Variants in ZNF70 observed in about 807,000 individuals in gnomAD.
ZNF70 encodes zinc finger protein N27C7-1.
In ZNF70, 18 loss-of-function variants were observed where a neutral mutation model predicts 37.7. The ratio of observed to expected loss-of-function variants is 0.48; its 90% CI spans 0.33 to 0.71. ZNF70 has a LOEUF of 0.71. Ranked by LOEUF, ZNF70 falls within the 30% of genes least tolerant of loss-of-function variation. ZNF70 has a pLI of 0.02. For missense variants in ZNF70, 506 were observed against 568.6 expected (o/e 0.89, Z 1.12); for synonymous variants, 219 against 220.1 (o/e 0.99, Z 0.05).
rs1172477818 is a variant in ZNF70, at chr22:23,740,436, T to C, written c.*3364A>G. 2 of 151,808 alleles carry C rather than the reference T, an allele frequency of 1.3e-5. No homozygotes were observed. Among genetic ancestry groups the C allele is most frequent in the Non-Finnish European group, 2.9e-5 (2 of 67,962 alleles). 9.4% of individuals were successfully genotyped at this position (151,808 alleles called of 1,614,324 possible). On this transcript the variant is annotated 3_prime_UTR_variant, in exon 2 of 2. Coordinates refer to ENST00000341976, the MANE Select transcript of ZNF70 (RefSeq NM_021916.4). ...TTTATAACTTTACACTGTTTGAGAA[T>C]CTAAATAGAATGAGAGAGTTTAAAA...
rs1226794096 is a variant in ZNF70 at position 23,744,208 on chromosome 22, A to G, written c.933T>C (p.Asp311=). ...TCTGGCTGAAGGCCTTCCCGCACTC[A>G]TCGCATTTGTATGGTTTCTTCCCAG... ...IHTGKKPYKC[D]ECGKAFSQSS... Residue 311 remains aspartate (D), a synonymous_variant, in exon 2 of 2, where the codon GAT becomes GAC. Coordinates refer to ENST00000341976, the MANE Select transcript of ZNF70 (RefSeq NM_021916.4). The G allele has an allele frequency of 5.0e-6, 8 of 1,610,942 alleles. No individual in the cohort carries two copies. Among genetic ancestry groups the G allele is most frequent in the South Asian group, 1.1e-5 (1 of 90,918 alleles).
intron 1 of ZNF70, among the ~76,000 whole-genome samples, chr22:23,747,571 C>A (rs1005423174): frequency 2.6e-5 from 4 of 152,124 alleles, no homozygotes; most frequent in Admixed American, 6.6e-5. Flanking sequence ...GTGGCTCACA[C>A]CTGTAATCCC....
chr22:23,741,446 A>C lies in ZNF70; in HGVS notation c.*2354T>G, dbSNP rs1393905747. The stretch of plus-strand genomic sequence containing the variant: ...CTGGTGGACAATGGAGTGCTGGTTA[A>C]ATGTTAAATGTTTCACATACGTAGC... On this transcript the variant is annotated 3_prime_UTR_variant, in exon 2 of 2. Coordinates refer to ENST00000341976, the MANE Select transcript of ZNF70 (RefSeq NM_021916.4). The C allele has an allele frequency of 6.6e-6, 1 of 152,208 alleles. No individual in the cohort carries two copies. The highest frequency in any genetic ancestry group is 1.5e-5 in the Non-Finnish European group (1 of 68,054). The allele number at this position is 152,208 out of a possible 1,614,324, so 9.4% of individuals were successfully genotyped here.
At position 23,743,586 on chromosome 22, in the gene ZNF70, C is replaced by G. The variant is rs775623149; in HGVS notation, c.*214G>C. ...CTTTTCTGGCTGCCCTCCCTATCAC[C>G]CCACCTTCCCTTCCATGCAGAAAAC... On this transcript the variant is annotated 3_prime_UTR_variant, in exon 2 of 2. Transcript: ENST00000341976. 1.6e-4 allele frequency: 95 copies of G among 582,902 alleles called. No individual in the cohort carries two copies. The highest frequency in any genetic ancestry group is 2.5e-4 in the Non-Finnish European group (89 of 351,250). 36.1% of individuals were successfully genotyped at this position (582,902 alleles called of 1,614,324 possible).
At chr22:23,747,452 C>A (rs1484542582) in intron 1 of ZNF70, among the ~76,000 whole-genome samples, 1 of 152,184 alleles carries the variant, frequency 6.6e-6, no homozygotes, top group Non-Finnish European at 1.5e-5. Flanking sequence ...ATGTCCCCCA[C>A]CCATTCATGG....
chr22:23,750,430 C>G (rs6003871), intron 1 of ZNF70, among the ~76,000 whole-genome samples: 52 of 152,202 alleles, frequency 3.4e-4, no homozygotes, highest in African/African-American at 1.2e-3. Context: ...AAGCTTTGAG[C>G]TACCCCCCAA....
In ZNF70 at chr22:23,751,086, G is replaced by C. The variant is rs892561882; in HGVS notation, c.-455C>G. 4 of 151,898 alleles carry C rather than the reference G, an allele frequency of 2.6e-5. No individual in the cohort carries two copies. The highest frequency in any genetic ancestry group is 9.7e-5 in the African/African-American group (4 of 41,396). 9.4% of individuals were successfully genotyped at this position (151,898 alleles called of 1,614,324 possible). A position where few individuals can be genotyped will look rare whatever the true frequency, so the allele number is the denominator to read the frequency against. Reference sequence around the variant, plus strand: ...ACCCGCGGCCGACGCGGCCGACGCTGCCTGGCTCCACAGCAGCTGCTGACG... The same window carrying C: ...ACCCGCGGCCGACGCGGCCGACGCTCCCTGGCTCCACAGCAGCTGCTGACG... On this transcript the variant is annotated 5_prime_UTR_variant, in exon 1 of 2. Transcript: ENST00000341976.
chr22:23,743,828 T>A lies in ZNF70; in HGVS notation c.1313A>T (p.Gln438Leu). ...FRGSSHLIRH[Q>L]KIHSGEKL The stretch of plus-strand genomic sequence containing the variant: ...TAGCTTCTCCCCAGAATGAATCTTC[T>A]GATGGCGAATCAGGTGCGAGCTCCC... Residue 438 changes from glutamine to leucine, a missense_variant, in exon 2 of 2, where the codon CAG becomes CTG. Transcript: ENST00000341976. 1 of 1,614,154 alleles carries A rather than the reference T, an allele frequency of 6.2e-7. No homozygotes were observed.
At position 23,743,540 on chromosome 22, in the gene ZNF70, G is replaced by A. The variant is rs1306344842; in HGVS notation, c.*260C>T. On this transcript the variant is annotated 3_prime_UTR_variant, in exon 2 of 2. Transcript: ENST00000341976. ...AGGCTTGGGAGTCAAATGCAAGAAG[G>A]AGAAACTGAAGGCCAGCTGTCTTTT... is the stretch of plus-strand genomic sequence containing the variant. 1 of 442,468 alleles carries A rather than the reference G, an allele frequency of 2.3e-6. No individual in the cohort carries two copies. Among genetic ancestry groups the A allele is most frequent in the Non-Finnish European group, 4.0e-6 (1 of 251,430 alleles). The allele number at this position is 442,468 out of a possible 1,614,324, so 27.4% of individuals were successfully genotyped here.
Position 23,744,298 on chromosome 22 carries a change from C to G in ZNF70, c.843G>C (p.Glu281Asp), listed in dbSNP as rs775584760. 2 of 1,613,988 alleles carry G rather than the reference C, an allele frequency of 1.2e-6. No individual in the cohort carries two copies. Among genetic ancestry groups the G allele is most frequent in the Non-Finnish European group, 1.7e-6 (2 of 1,180,018 alleles). ...AAAAGGCTTTCCCACAGAGATCGCA[C>G]TCGTGAGGTTTCTTTAGGGTGTGGA... ...RKIHTLKKPH[E>D]CDLCGKAFCH... is the part of the protein sequence containing the mutation. Residue 281 changes from glutamate to aspartate, a missense_variant, in exon 2 of 2, where the codon GAG becomes GAC. Glu to Asp is a conservative substitution (Grantham distance 45). Coordinates refer to ENST00000341976, the MANE Select transcript of ZNF70 (RefSeq NM_021916.4).
Position 23,744,292 on chromosome 22 carries a change from A to T in ZNF70, c.849T>A (p.Asp283Glu). 6.2e-7 allele frequency: 1 copy of T among 1,613,602 alleles called. No homozygotes were observed. The highest frequency in any genetic ancestry group is 8.5e-7 in the Non-Finnish European group (1 of 1,179,936). The change falls in exon 2 of 2, where the codon GAT becomes GAA. Residue 283 changes from aspartate to glutamate, a missense_variant. By Grantham distance (45) the Asp-to-Glu change is conservative. Transcript: ENST00000341976. ...IHTLKKPHECDLCGKAFCHRS... is the reference protein window; with the variant it reads ...IHTLKKPHECELCGKAFCHRS... ...TGTGACAAAAGGCTTTCCCACAGAG[A>T]TCGCACTCGTGAGGTTTCTTTAGGG...
At position 23,744,724 on chromosome 22, in the gene ZNF70, G is replaced by A. The variant is rs768219666; in HGVS notation, c.417C>T (p.Pro139=). Residue 139 remains proline (P), a synonymous_variant, in exon 2 of 2, where the codon CCC becomes CCT. Coordinates refer to ENST00000341976, the MANE Select transcript of ZNF70 (RefSeq NM_021916.4). ...APHRTPQPAK[P]YACRECGKAF... The stretch of plus-strand genomic sequence containing the variant: ...CCTTCCCACACTCTCGACACGCATA[G>A]GGCTTGGCTGGTTGTGGGGTTCTGT... 4 of 1,614,238 alleles carry A rather than the reference G, an allele frequency of 2.5e-6. No individual in the cohort carries two copies. In the South Asian group the frequency reaches 4.4e-5, roughly 18 times the overall value.
Position 23,744,928 on chromosome 22 carries a change from TGAGCACAAACTGAA to T in ZNF70, c.199_212del (p.Phe67LysfsTer17). Reference sequence around the variant, plus strand: ...GGATACTTTGATGCTGAACAGGGCTTGAGCACAAACTGAAATTCCCCTCGTAATCATCATTTTCT... The same window carrying T: ...GGATACTTTGATGCTGAACAGGGCTTATTCCCCTCGTAATCATCATTTTCT... On this transcript the variant is annotated frameshift_variant, in exon 2 of 2. Coordinates refer to ENST00000341976, the MANE Select transcript of ZNF70 (RefSeq NM_021916.4). LOFTEE classifies it high-confidence loss of function. 6.2e-7 allele frequency: 1 copy of T among 1,614,238 alleles called. No homozygotes were observed. Among genetic ancestry groups the T allele is most frequent in the Non-Finnish European group, 8.5e-7 (1 of 1,180,048 alleles).
In ZNF70 at chr22:23,743,668, A is replaced by C; in HGVS notation, c.*132T>G. 9.4e-6 allele frequency: 12 copies of C among 1,272,198 alleles called. No homozygotes were observed. Among genetic ancestry groups the C allele is most frequent in the Non-Finnish European group, 1.2e-5 (11 of 922,726 alleles). 78.8% of individuals were successfully genotyped at this position (1,272,198 alleles called of 1,614,324 possible). On this transcript the variant is annotated 3_prime_UTR_variant, in exon 2 of 2. Transcript: ENST00000341976. ...CACACAGGGCCTTCCTGCTAGTGGG[A>C]TGTTCAAGAGCGCTTAGGTGGGAAG... is the stretch of plus-strand genomic sequence containing the variant.
At position 23,744,002 on chromosome 22, in the gene ZNF70, A is replaced by T; in HGVS notation, c.1139T>A (p.Ile380Asn). ...GCCGGTGTGGATTCTCTGGTGCTGG[A>T]TCAGCGCAGAGCTGTGGCAAAAGGC... ...GKAFCHSSAL[I>N]QHQRIHTGKK... Residue 380 changes from isoleucine to asparagine, a missense_variant, in exon 2 of 2, where the codon ATC (isoleucine) becomes AAC (asparagine). Transcript: ENST00000341976. The T allele has an allele frequency of 6.2e-7, 1 of 1,614,094 alleles. No homozygotes were observed. The highest frequency in any genetic ancestry group is 1.1e-5 in the South Asian group (1 of 91,074).
At chr22:23,745,465 G>T (rs1425956858) in intron 1 of ZNF70, among the ~76,000 whole-genome samples, 1 of 152,134 alleles carries the variant, frequency 6.6e-6, no homozygotes, top group Non-Finnish European at 1.5e-5. Context: ...TGTTCAGAAA[G>T]GTGAGCTAAA....
Position 23,744,664 on chromosome 22 carries a change from C to T in ZNF70, c.477G>A (p.Leu159=). 1.2e-6 allele frequency: 2 copies of T among 1,612,348 alleles called. No individual in the cohort carries two copies. Among genetic ancestry groups the T allele is most frequent in the Non-Finnish European group, 1.7e-6 (2 of 1,179,328 alleles). The stretch of plus-strand genomic sequence containing the variant: ...AGGGCTTCTCCCCAGTGTGGATCAC[C>T]AGGTGTCGGAGCAGGTGCGAGCTCT... ...FSQSSHLLRH[L]VIHTGEKPYE... The change falls in exon 2 of 2, where the codon CTG becomes CTA. Residue 159 remains leucine, a synonymous_variant. Transcript: ENST00000341976.
Position 23,738,853 on chromosome 22 carries a change from A to G in ZNF70, c.*4947T>C, listed in dbSNP as rs1207041905. 3 of 152,206 alleles carry G rather than the reference A, an allele frequency of 2.0e-5. No individual in the cohort carries two copies. Among genetic ancestry groups the G allele is most frequent in the Admixed American group, 6.5e-5 (1 of 15,278 alleles). The allele number at this position is 152,206 out of a possible 1,614,324, so 9.4% of individuals were successfully genotyped here. Reference sequence around the variant, plus strand: ...ATCAAACTATGATTAGATCAGGTAAATGAGTGTTCTGAACTGCTTTGGTGT... The same window carrying G: ...ATCAAACTATGATTAGATCAGGTAAGTGAGTGTTCTGAACTGCTTTGGTGT... On this transcript the variant is annotated 3_prime_UTR_variant, in exon 2 of 2. Transcript: ENST00000341976.
In ZNF70 at chr22:23,745,310, G is replaced by C. The variant is rs6003868; in HGVS notation, c.-79-91C>G. On this transcript the variant is annotated intron_variant, in intron 1 of 1. Coordinates refer to ENST00000341976, the MANE Select transcript of ZNF70 (RefSeq NM_021916.4). ...ATCCTAGAATCTATGGTAGAAACAA[G>C]AAAATACGCATAAGACACAATCTTG... The C allele has an allele frequency of 2.1e-3, 1,435 of 697,708 alleles. 15 individuals are homozygous for C. The highest frequency in any genetic ancestry group is 0.02 in the African/African-American group (1,109 of 55,698). 43.2% of individuals were successfully genotyped at this position (697,708 alleles called of 1,614,324 possible).
Sources: allele counts gnomAD v4.1 joint callset (sites outside exome capture counted in the v4.1 genomes callset), GRCh38; gene constraint gnomAD v4.1.1; transcripts MANE v1.5; gene names NCBI Gene and HGNC (gene_info 2026-07-23, HGNC 2026-07-21).